Variants in MME observed in about 807,000 individuals in gnomAD.
MME encodes the protein membrane metalloendopeptidase, also known as neprilysin.
MME carries 98 observed loss-of-function variants against 113.2 expected under a neutral mutation model. The ratio of observed to expected loss-of-function variants is 0.87; its 90% CI spans 0.74 to 1.02. The LOEUF (loss-of-function observed/expected upper bound fraction) is 1.02, where lower values mean the gene tolerates loss of function less well. Ranked by LOEUF, MME falls within the 50% of genes least tolerant of loss-of-function variation. The probability of loss-of-function intolerance (pLI) is 0.00; values close to 1 mark genes in which losing one functional copy is unlikely to be tolerated. For synonymous variants in MME, 292 were observed against 300.6 expected, an observed-to-expected ratio of 0.97 and a Z score of 0.30; for missense variants, 836 against 896.0, an observed-to-expected ratio of 0.93 and a Z score of 0.86.
chr3:155,111,009 A>G (rs1456860167), intron 3 of MME, among the ~76,000 whole-genome samples: 1 of 152,244 alleles, frequency 6.6e-6, no homozygotes, highest in Non-Finnish European at 1.5e-5. Flanking sequence ...GTTTACTCAG[A>G]TGTCAGAGAT....
chr3:155,168,094 C>T (rs907724410), intron 18 of MME, among the ~76,000 whole-genome samples: 1 of 152,096 alleles, frequency 6.6e-6, no homozygotes, highest in Non-Finnish European at 1.5e-5. Context: ...TCCACAGTGT[C>T]CTATGAAGGG....
intron 14 of MME, 119 bp from the exon 15 acceptor site, chr3:155,147,025 G>A: frequency 1.4e-6 from 1 of 703,218 alleles, no homozygotes; most frequent in South Asian, 1.6e-5. Context: ...AAGTATGTCA[G>A]ACACTCATTT....
At chr3:155,049,570 G>A (rs924995379) in intron 1 of MME, among the ~76,000 whole-genome samples, 1 of 152,154 alleles carries the variant, frequency 6.6e-6, no homozygotes, top group Non-Finnish European at 1.5e-5. Context: ...AGGCAATTCT[G>A]CTGAGGGCTC....
At chr3:155,047,975 T>C (rs758915668) in intron 1 of MME, among the ~76,000 whole-genome samples, 2 of 152,162 alleles carry the variant, frequency 1.3e-5, no homozygotes, top group African/African-American at 4.8e-5. Flanking sequence ...AGTAGTCTAG[T>C]TATCATTTCA....
chr3:155,137,598 T>G (rs1174202108), intron 8 of MME, among the ~76,000 whole-genome samples: 3 of 151,934 alleles, frequency 2.0e-5, no homozygotes, highest in African/African-American at 7.3e-5. Flanking sequence ...CCCAGCTACT[T>G]GGGAGGCTGA....
chr3:155,099,816 G>T (rs544261253), intron 3 of MME, among the ~76,000 whole-genome samples: 206 of 152,250 alleles, frequency 1.4e-3, no homozygotes, highest in African/African-American at 4.7e-3. Flanking sequence ...CATTTGGGTT[G>T]GTTCCAAGTC....
chr3:155,149,355 T>C (rs1356087526), intron 16 of MME, among the ~76,000 whole-genome samples: 1 of 152,178 alleles, frequency 6.6e-6, no homozygotes, highest in Non-Finnish European at 1.5e-5. Context: ...CTATTCCTTT[T>C]GACCATAAAG....
At chr3:155,104,212 A>C (rs1717500609) in intron 3 of MME, among the ~76,000 whole-genome samples, 1 of 152,172 alleles carries the variant, frequency 6.6e-6, no homozygotes, top group Non-Finnish European at 1.5e-5. Flanking sequence ...GAGGCCGTCA[A>C]TATTTGTTGA....
At chr3:155,042,269 C>T (rs558594474) in intron 1 of MME, among the ~76,000 whole-genome samples, 1 of 152,166 alleles carries the variant, frequency 6.6e-6, no homozygotes, top group African/African-American at 2.4e-5. Context: ...CTTCCATCAG[C>T]TGGGTCAACT....
intron 8 of MME, among the ~76,000 whole-genome samples, chr3:155,133,062 A>AAATATATAT: frequency 1.3e-5 from 1 of 75,082 alleles, no homozygotes; most frequent in African/African-American, 6.6e-5. Context: ...AAAAAAAAAA[A>AAATATATAT]ATATATATAT....
chr3:155,100,303 G>T (rs1026036359), intron 3 of MME, among the ~76,000 whole-genome samples: 11 of 152,200 alleles, frequency 7.2e-5, no homozygotes, highest in Non-Finnish European at 1.5e-5. Context: ...ATGAAAAAAT[G>T]CTCATCATCA....
Position 155,118,763 on chromosome 3 carries a change from T to C in MME, c.672T>C (p.Leu224=), listed in dbSNP as rs1718839670. 6.2e-7 allele frequency: 1 copy of C among 1,601,726 alleles called. No homozygotes were observed. The highest frequency in any genetic ancestry group is 1.1e-5 in the South Asian group (1 of 90,272). ...TTTTATAGATTGACCAACCTCGACT[T>C]GGCCTCCCTTCTAGAGATTACTATG... ...NHVIHIDQPR[L]GLPSRDYYEC... is the part of the protein sequence containing the mutation. Residue 224 remains leucine, a synonymous_variant, in exon 8 of 23, where the codon CTT becomes CTC. Transcript: ENST00000360490.
Position 155,161,686 on chromosome 3 carries a change from A to G in MME, c.1660+1238A>G, listed in dbSNP as rs1012406201. On this transcript the variant is annotated intron_variant, in intron 17 of 22. Transcript: ENST00000360490. Reference sequence around the variant, plus strand: ...ATCCATCTGGAATTTACGTTGGTACATGACCTGAAACTGAATTATATAAAG... The same window carrying G: ...ATCCATCTGGAATTTACGTTGGTACGTGACCTGAAACTGAATTATATAAAG... Among the ~76,000 whole-genome samples the G allele has an allele frequency of 2.6e-5, 4 of 152,278 alleles. No homozygotes were observed. In the East Asian group the frequency reaches 5.8e-4, roughly 22 times the overall value.
At chr3:155,063,547 ATATT>A (rs1188928748) in intron 1 of MME, among the ~76,000 whole-genome samples, 2 of 117,324 alleles carry the variant, frequency 1.7e-5, no homozygotes, top group African/African-American at 3.4e-5. Flanking sequence ...TTTAAATAAT[ATATT>A]TATTTAATAA....
At chr3:155,096,081 A>G (rs1004174082) in intron 3 of MME, among the ~76,000 whole-genome samples, 1 of 152,214 alleles carries the variant, frequency 6.6e-6, no homozygotes, top group Non-Finnish European at 1.5e-5. Flanking sequence ...CTAGTGGTTC[A>G]TGATGGCTGG....
In MME at chr3:155,104,045, C is replaced by T. The variant is rs910158764; in HGVS notation, c.197-10949C>T. Among the ~76,000 whole-genome samples the T allele has an allele frequency of 6.6e-5, 10 of 152,258 alleles. No individual in the cohort carries two copies. In the South Asian group the frequency reaches 1.0e-3, roughly 16 times the overall value. On this transcript the variant is annotated intron_variant, in intron 3 of 22. Coordinates refer to ENST00000360490, the MANE Select transcript of MME (RefSeq NM_007289.4). The stretch of plus-strand genomic sequence containing the variant: ...TGAGACCTGAGCATCACAAAACAAC[C>T]TTTCATATCTAGATATAGTTACCAT...
upstream of MME, among the ~76,000 whole-genome samples, chr3:155,076,918 C>T (rs937625772): frequency 4.6e-5 from 7 of 152,158 alleles, no homozygotes; most frequent in Admixed American, 6.5e-5. Flanking sequence ...GGACCACCAG[C>T]GGTCACTTTC....
chr3:155,061,402 G>T (rs1175896759), intron 1 of MME, among the ~76,000 whole-genome samples: 1 of 142,068 alleles, frequency 7.0e-6, no homozygotes, highest in Non-Finnish European at 1.5e-5. Context: ...AGTGAGCCGA[G>T]ATGGCGCCAC....
intron 8 of MME, among the ~76,000 whole-genome samples, chr3:155,122,411 A>G (rs1317791316): frequency 8.4e-6 from 1 of 118,492 alleles, no homozygotes; most frequent in Non-Finnish European, 1.7e-5. Context: ...TTGTGTCTCT[A>G]TTTCCTTCAG....
Sources: gnomAD v4.1 joint callset for allele counts (sites outside exome capture counted in the v4.1 genomes callset) on GRCh38, gnomAD v4.1.1 for gene constraint, MANE v1.5 for transcripts, NCBI Gene and HGNC (gene_info 2026-07-23, HGNC 2026-07-21) for gene names.